The following TSC22D1 variants were observed in gnomAD, a reference collection of about 807,000 sequenced individuals.
The protein encoded by TSC22D1 is TSC22 domain family member 1.
Under a neutral mutation model 74.2 loss-of-function variants are expected in TSC22D1, and 9 were observed. That is an observed-to-expected ratio of 0.12 (90% CI 0.07 to 0.21). The LOEUF (loss-of-function observed/expected upper bound fraction) is 0.21. TSC22D1 is among the 10% of genes least tolerant of loss of function. The pLI is 1.00. For synonymous variants in TSC22D1, 586 were observed against 492.5 expected, an observed-to-expected ratio of 1.19 and a Z score of -2.51; for missense variants, 1,427 against 1,304.7, an observed-to-expected ratio of 1.09 and a Z score of -1.44.
intron 1 of TSC22D1, among the ~76,000 whole-genome samples, chr13:44,461,209 T>G (rs1359577341): frequency 2.6e-5 from 4 of 152,196 alleles, no homozygotes. Flanking sequence ...ACTGAGACTA[T>G]GCAAAATTAA....
chr13:44,471,399 G>GCTCC (rs1380258261), intron 1 of TSC22D1, among the ~76,000 whole-genome samples: 7 of 152,102 alleles, frequency 4.6e-5, no homozygotes, highest in Non-Finnish European at 1.0e-4. Flanking sequence ...TGGATCTCTT[G>GCTCC]ATAAACTCTT....
chr13:44,498,827 T>C (rs1182889114), intron 1 of TSC22D1, among the ~76,000 whole-genome samples: 1 of 152,316 alleles, frequency 6.6e-6, no homozygotes, highest in East Asian at 1.9e-4. Context: ...AATGTTTCTG[T>C]TTAGTACTCC....
intron 1 of TSC22D1, among the ~76,000 whole-genome samples, chr13:44,463,219 TAATA>T (rs1181916030): frequency 1.3e-5 from 2 of 152,120 alleles, no homozygotes; most frequent in Non-Finnish European, 2.9e-5. Flanking sequence ...AGAACAAAAG[TAATA>T]AATAGACATA....
At chr13:44,535,987 C>G (rs995935383) in intron 1 of TSC22D1, among the ~76,000 whole-genome samples, 1 of 151,758 alleles carries the variant, frequency 6.6e-6, no homozygotes, top group Admixed American at 6.6e-5. Context: ...AAATAAAATA[C>G]AGCCTTTCAT....
At chr13:44,535,454 A>G (rs1881084731) in intron 1 of TSC22D1, among the ~76,000 whole-genome samples, 1 of 152,062 alleles carries the variant, frequency 6.6e-6, no homozygotes, top group South Asian at 2.1e-4. Context: ...AAATACCTGG[A>G]TAAAAATAAA....
intron 1 of TSC22D1, among the ~76,000 whole-genome samples, chr13:44,570,144 T>C (rs1883660216): frequency 6.6e-6 from 1 of 151,702 alleles, no homozygotes; most frequent in African/African-American, 2.4e-5. Flanking sequence ...CCCATTCTTG[T>C]AAAGGTGAAT....
chr13:44,435,514 TA>T (rs371229521), intron 2 of TSC22D1, among the ~76,000 whole-genome samples: 8 of 151,890 alleles, frequency 5.3e-5, no homozygotes, highest in Admixed American at 2.0e-4. Flanking sequence ...AAGGCGGAAA[TA>T]AAAAATAGGA....
At chr13:44,454,168 TA>T (rs907838099) in intron 1 of TSC22D1, among the ~76,000 whole-genome samples, 1 of 152,062 alleles carries the variant, frequency 6.6e-6, no homozygotes, top group East Asian at 1.9e-4. Flanking sequence ...GAGTTAATTC[TA>T]AAAAAACTTT....
intron 1 of TSC22D1, among the ~76,000 whole-genome samples, chr13:44,443,309 G>C (rs1318999250): frequency 7.0e-6 from 1 of 143,234 alleles, no homozygotes; most frequent in Non-Finnish European, 1.5e-5. Flanking sequence ...TTAACTGAAA[G>C]AAAAAAAAAA....
Position 44,481,243 on chromosome 13 carries a change from G to A in TSC22D1, c.2913-45148C>T, listed in dbSNP as rs1022096251. ...GATCCTCGGGGCTTGAGACTTCGCA[G>A]TTAGGAAGTCATTGGTGACATCTGC... On this transcript the variant is annotated intron_variant, in intron 1 of 2. Transcript: ENST00000458659. Among the ~76,000 whole-genome samples the A allele has an allele frequency of 2.0e-5, 3 of 152,206 alleles. No homozygotes were observed. The South Asian group carries it at 6.2e-4, about 32-fold the overall frequency.
At chr13:44,494,375 C>CAAAAAAAAAAAAAAAAA (rs57468850) in intron 1 of TSC22D1, among the ~76,000 whole-genome samples, 2 of 26,462 alleles carry the variant, frequency 7.6e-5, no homozygotes, top group Non-Finnish European at 1.2e-4. Flanking sequence ...GACTCCGTAT[C>CAAAAAAAAAAAAAAAAA]AAAAAAAAAA....
At chr13:44,453,297 T>TTC (rs1876305486) in intron 1 of TSC22D1, among the ~76,000 whole-genome samples, 2 of 120,282 alleles carry the variant, frequency 1.7e-5, no homozygotes, top group Non-Finnish European at 1.8e-5. Context: ...AATATAACTT[T>TTC]TTTGCATAAA....
chr13:44,576,032 C>A lies in TSC22D1; in HGVS notation c.43G>T (p.Ala15Ser). 1 of 1,579,824 alleles carries A rather than the reference C, an allele frequency of 6.3e-7. No individual in the cohort carries two copies. The highest frequency in any genetic ancestry group is 8.6e-7 in the Non-Finnish European group (1 of 1,164,000). Residue 15 changes from alanine (A) to serine (S), a missense_variant, in exon 1 of 3, where the codon GCA (alanine) becomes TCA (serine). Transcript: ENST00000458659. ...PESTAAAAAA[A>S]DISARKMAHP... The stretch of plus-strand genomic sequence containing the variant: ...GCCATCTTCCTAGCGCTAATGTCTG[C>A]AGCGGCGGCGGCCGCGGCGGTGGAC...
chr13:44,507,476 T>C (rs897675056), intron 1 of TSC22D1, among the ~76,000 whole-genome samples: 1 of 152,142 alleles, frequency 6.6e-6, no homozygotes, highest in Non-Finnish European at 1.5e-5. Context: ...TTACTTTTTT[T>C]TTTTAATGTG....
rs1423013157 is a variant in TSC22D1, at chr13:44,576,260, G to T, written c.-186C>A. ...TTCGAGAGCGAGCTTCGGAAAGGAGGATGAACGAGGGTGAACAGGGCGGCC... is the reference window on the plus strand; with the variant it reads ...TTCGAGAGCGAGCTTCGGAAAGGAGTATGAACGAGGGTGAACAGGGCGGCC... On this transcript the variant is annotated 5_prime_UTR_variant, in exon 1 of 3. Transcript: ENST00000458659. 2.3e-6 allele frequency: 2 copies of T among 860,404 alleles called. No homozygotes were observed. Among genetic ancestry groups the T allele is most frequent in the East Asian group, 2.7e-5 (1 of 36,592 alleles). The allele number at this position is 860,404 out of a possible 1,614,324, so 53.3% of individuals were successfully genotyped here. A position where few individuals can be genotyped will look rare whatever the true frequency, so the allele number is the denominator to read the frequency against.
intron 1 of TSC22D1, among the ~76,000 whole-genome samples, chr13:44,566,547 G>A (rs1472263433): frequency 6.6e-6 from 1 of 152,018 alleles, no homozygotes; most frequent in Admixed American, 6.6e-5. Context: ...GAACTAACTT[G>A]GAGCTATGAC....
At chr13:44,446,316 T>C (rs549452907) in intron 1 of TSC22D1, among the ~76,000 whole-genome samples, 6 of 152,204 alleles carry the variant, frequency 3.9e-5, no homozygotes, top group Admixed American at 2.0e-4. Flanking sequence ...GGTAAAACTA[T>C]AGAGACAAAA....
chr13:44,474,303 A>G, intron 1 of TSC22D1: 1 of 985,206 alleles, frequency 1.0e-6, no homozygotes, highest in Non-Finnish European at 1.2e-6. Context: ...CCCAGGCCCA[A>G]CTGACACTCC....
intron 1 of TSC22D1, chr13:44,539,329 C>T (rs1881328544): frequency 1.0e-6 from 1 of 985,114 alleles, no homozygotes; most frequent in Non-Finnish European, 1.2e-6. Context: ...GGAAGAAGAC[C>T]AAAAGGTTCT....
Sources: allele counts gnomAD v4.1 joint callset (sites outside exome capture counted in the v4.1 genomes callset), GRCh38; gene constraint gnomAD v4.1.1; transcripts MANE v1.5; gene names NCBI Gene and HGNC (gene_info 2026-07-23, HGNC 2026-07-21).